Variants in TMEFF1 observed in about 807,000 individuals in gnomAD.
The protein encoded by TMEFF1 is transmembrane protein with EGF like and two follistatin like domains 1.
In TMEFF1, 20 loss-of-function variants were observed where a neutral mutation model predicts 47.5. The observed-to-expected ratio is 0.42, with a 90% CI of 0.30 to 0.61. TMEFF1 has a LOEUF of 0.61. Among genes scored for constraint, TMEFF1 ranks in the 20% least tolerant of loss-of-function variants. The pLI, the probability that TMEFF1 is intolerant of heterozygous loss-of-function variation, is 0.19. For missense variants in TMEFF1, 411 were observed against 471.1 expected (o/e 0.87, Z 1.18); for synonymous variants, 162 against 166.3 (o/e 0.97, Z 0.20).
chr9:100,481,607 A>G (rs1046831945), intron 1 of TMEFF1, among the ~76,000 whole-genome samples: 1 of 152,194 alleles, frequency 6.6e-6, no homozygotes, highest in Non-Finnish European at 1.5e-5. Flanking sequence ...GAAGCTTTTA[A>G]AGGGTTTGAG....
rs533744447 is a variant in TMEFF1, at chr9:100,476,881, A to G, written c.196+3141A>G. Among the ~76,000 whole-genome samples the G allele has an allele frequency of 4.0e-5, 6 of 151,472 alleles. 1 individual carries two copies. In the South Asian group the frequency reaches 1.3e-3, roughly 32 times the overall value. ...CCGGCTAATTTTTTGTATTTTTAGT[A>G]GAGATGGGGTTTCATCGTGTTAGCC... is the stretch of plus-strand genomic sequence containing the variant. On this transcript the variant is annotated intron_variant, in intron 1 of 9. Transcript: ENST00000374879.
At chr9:100,518,497 C>A (rs967106617) in intron 5 of TMEFF1, 1 of 985,250 alleles carries the variant, frequency 1.0e-6, no homozygotes, top group Admixed American at 6.2e-5. Flanking sequence ...CAGGCTCTTA[C>A]CAGCAGGCTA....
At chr9:100,513,095 T>C (rs2118373967) in intron 3 of TMEFF1, among the ~76,000 whole-genome samples, 1 of 152,270 alleles carries the variant, frequency 6.6e-6, no homozygotes, top group Non-Finnish European at 1.5e-5. Context: ...TACAAAGATG[T>C]ATGAAATATA....
chr9:100,518,676 T>C (rs905716279), intron 5 of TMEFF1, among the ~76,000 whole-genome samples: 2 of 152,228 alleles, frequency 1.3e-5, no homozygotes, highest in Non-Finnish European at 2.9e-5. Context: ...TAATATCTAA[T>C]CTTTTAGTCT....
chr9:100,539,309 A>G (rs918581590), intron 5 of TMEFF1, among the ~76,000 whole-genome samples: 5 of 152,186 alleles, frequency 3.3e-5, no homozygotes, highest in African/African-American at 9.7e-5. Flanking sequence ...TTGCTGTCCC[A>G]GTAAGCTTTC....
chr9:100,560,894 T>G (rs979368418), intron 7 of TMEFF1, among the ~76,000 whole-genome samples: 1 of 152,220 alleles, frequency 6.6e-6, no homozygotes, highest in Non-Finnish European at 1.5e-5. Context: ...TCAATGTGCT[T>G]GATAATTTTC....
chr9:100,521,873 A>G (rs891081247), intron 5 of TMEFF1, among the ~76,000 whole-genome samples: 2 of 152,138 alleles, frequency 1.3e-5, no homozygotes, highest in African/African-American at 4.8e-5. Flanking sequence ...TGCTGTTTCC[A>G]TTTATCCCCC....
intron 8 of TMEFF1, among the ~76,000 whole-genome samples, chr9:100,567,798 A>G (rs1325966103): frequency 1.3e-5 from 2 of 152,188 alleles, no homozygotes; most frequent in Non-Finnish European, 2.9e-5. Context: ...ACTGCTAATA[A>G]AGACATACCC....
chr9:100,564,502 G>A (rs1007211735), intron 8 of TMEFF1, among the ~76,000 whole-genome samples: 8 of 152,186 alleles, frequency 5.3e-5, no homozygotes, highest in African/African-American at 1.9e-4. Flanking sequence ...ATACAACCTG[G>A]TGAAAGAGAC....
chr9:100,572,100 T>C (rs1280367710), intron 8 of TMEFF1, among the ~76,000 whole-genome samples: 4 of 151,986 alleles, frequency 2.6e-5, no homozygotes, highest in Non-Finnish European at 5.9e-5. Context: ...GCCCGGGAGT[T>C]GGGGGGGATC....
intron 7 of TMEFF1, among the ~76,000 whole-genome samples, chr9:100,552,508 G>A (rs1244775372): frequency 6.6e-6 from 1 of 152,052 alleles, no homozygotes; most frequent in East Asian, 1.9e-4. Context: ...AGAGTTTGAG[G>A]TGCTTGTGGA....
At chr9:100,536,502 A>G (rs540645567) in intron 5 of TMEFF1, among the ~76,000 whole-genome samples, 111 of 152,330 alleles carry the variant, frequency 7.3e-4, no homozygotes, top group African/African-American at 2.5e-3. Flanking sequence ...AGTAATGGGA[A>G]AAGTTTTTGT....
At chr9:100,508,871 C>CA (rs35051442) in intron 2 of TMEFF1, 134 bp from the exon 3 acceptor site, 217,318 of 938,400 alleles carry the variant, frequency 0.23, 542 homozygotes, top group Middle Eastern at 0.25. Context: ...CTTTTTAAGC[C>CA]AAAAAAAAAA....
chr9:100,492,934 G>T lies in TMEFF1; in HGVS notation c.197-5831G>T, dbSNP rs183316905. 3.2e-3 allele frequency among the ~76,000 whole-genome samples: 481 copies of T among 152,308 alleles called. 1 individual carries two copies. The highest frequency in any genetic ancestry group is 5.1e-3 in the Non-Finnish European group (346 of 68,026). ...GGTTCCTCTACTGAAATGGAGAATA[G>T]CTGTGGCAGTATGTTGAGATCTTTT... On this transcript the variant is annotated intron_variant, in intron 1 of 9. Transcript: ENST00000374879.
Position 100,547,905 on chromosome 9 carries a change from T to G in TMEFF1, c.709+13T>G. On this transcript the variant is annotated intron_variant, in intron 6 of 9. Coordinates refer to ENST00000374879, the MANE Select transcript of TMEFF1 (RefSeq NM_003692.5). ...GGTCATTGCACAGGTAAAATCCATTTTATTTATTCAGAGACCCATCTTTAT... is the reference window on the plus strand; with the variant it reads ...GGTCATTGCACAGGTAAAATCCATTGTATTTATTCAGAGACCCATCTTTAT... The G allele has an allele frequency of 6.4e-7, 1 of 1,564,692 alleles. No homozygotes were observed. Among genetic ancestry groups the G allele is most frequent in the Non-Finnish European group, 8.6e-7 (1 of 1,158,172 alleles).
At position 100,557,142 on chromosome 9, in the gene TMEFF1, C is replaced by G. The variant is rs748456967; in HGVS notation, c.776-4255C>G. The stretch of plus-strand genomic sequence containing the variant: ...AATATCTTTATTGAGATTCCATTTA[C>G]ATGCCATTAAGTTCATCTGTTTAAA... On this transcript the variant is annotated intron_variant, in intron 7 of 9. Transcript: ENST00000374879. Among the ~76,000 whole-genome samples, 5 of 151,410 alleles carry G rather than the reference C, an allele frequency of 3.3e-5. 1 individual carries two copies. Among genetic ancestry groups the G allele is most frequent in the Non-Finnish European group, 5.9e-5 (4 of 67,910 alleles).
chr9:100,558,343 C>T (rs1415850235), intron 7 of TMEFF1, among the ~76,000 whole-genome samples: 1 of 151,962 alleles, frequency 6.6e-6, no homozygotes, highest in African/African-American at 2.4e-5. Flanking sequence ...ATTGTTATAC[C>T]CTTTCATGAC....
At chr9:100,528,405 T>A (rs901882432) in intron 5 of TMEFF1, among the ~76,000 whole-genome samples, 1 of 145,470 alleles carries the variant, frequency 6.9e-6, no homozygotes, top group African/African-American at 2.7e-5. Context: ...AAGGAGCTGA[T>A]GGGGCTGAAA....
rs750864756 is a variant in TMEFF1, at chr9:100,576,513, C to T, written c.1059-3C>T. On this transcript the variant is annotated splice_polypyrimidine_tract_variant and splice_region_variant and intron_variant, in intron 9 of 9. Transcript: ENST00000374879. ...TTCTCTCTTTCTTTTTTTAATGCAA[C>T]AGAAAATGCCCCAAAAACAATAGAG... 1.2e-6 allele frequency: 2 copies of T among 1,605,414 alleles called. No homozygotes were observed. Among genetic ancestry groups the T allele is most frequent in the Admixed American group, 3.5e-5 (2 of 57,646 alleles).
Sources: allele counts gnomAD v4.1 joint callset (sites outside exome capture counted in the v4.1 genomes callset), GRCh38; gene constraint gnomAD v4.1.1; transcripts MANE v1.5; gene names NCBI Gene and HGNC (gene_info 2026-07-23, HGNC 2026-07-21).